The following HECA variants were observed in gnomAD, a reference collection of about 807,000 sequenced individuals.
HECA encodes headcase protein homolog.
Under a neutral mutation model 37.6 loss-of-function variants are expected in HECA, and 13 were observed. The observed-to-expected ratio is 0.35, with a 90% confidence interval of 0.23 to 0.55. HECA has a LOEUF of 0.55. HECA is among the 20% of genes least tolerant of loss of function. The pLI is 0.90. For missense variants in HECA, 527 were observed against 701.9 expected (o/e 0.75, Z 2.82); for synonymous variants, 307 against 291.5 (o/e 1.05, Z -0.54).
At chr6:139,138,945 C>G (rs1157535101) in intron 1 of HECA, among the ~76,000 whole-genome samples, 10 of 152,176 alleles carry the variant, frequency 6.6e-5, no homozygotes, top group Admixed American at 6.5e-4. Context: ...ATCTAGTTAT[C>G]AAAAGGTAGA....
In HECA at chr6:139,177,871, A is replaced by G. The variant is rs1212720575; in HGVS notation, c.*766A>G. The G allele has an allele frequency of 6.6e-6, 1 of 152,228 alleles. No individual in the cohort carries two copies. The highest frequency in any genetic ancestry group is 1.5e-5 in the Non-Finnish European group (1 of 68,038). 9.4% of individuals were successfully genotyped at this position (152,228 alleles called of 1,614,324 possible). On this transcript the variant is annotated 3_prime_UTR_variant, in exon 4 of 4. Coordinates refer to ENST00000367658, the MANE Select transcript of HECA (RefSeq NM_016217.3). This position sits in a 1 kb window ranked among gnomAD's most constrained non-coding sequence, Gnocchi z 4.9. Reference sequence around the variant, plus strand: ...TATAGCTTTTAAGGAGAACCCATGAATAACCTGATTTGGGCAGTGATGATT... The same window carrying G: ...TATAGCTTTTAAGGAGAACCCATGAGTAACCTGATTTGGGCAGTGATGATT...
Position 139,174,392 on chromosome 6 carries a change from C to T in HECA, c.1320C>T (p.Leu440=). 1 of 1,613,198 alleles carries T rather than the reference C, an allele frequency of 6.2e-7. No individual in the cohort carries two copies. The highest frequency in any genetic ancestry group is 8.5e-7 in the Non-Finnish European group (1 of 1,179,544). ...YDVPCHLQGR[L]MHLYAVCVDC... is the part of the protein sequence containing the mutation. ...TGTGTCTTCTGTGCACAGGGAGACT[C>T]ATGCATCTGTATGCCGTGTGCGTGG... Residue 440 remains leucine, a synonymous_variant, in exon 3 of 4, where the codon CTC becomes CTT. Transcript: ENST00000367658.
intron 1 of HECA, among the ~76,000 whole-genome samples, chr6:139,154,163 A>G (rs1774685371): frequency 1.3e-5 from 2 of 152,200 alleles, no homozygotes; most frequent in South Asian, 4.1e-4. Context: ...GTTATACTGT[A>G]TTTAGGGAAT....
chr6:139,171,370 A>G (rs1044912421), intron 2 of HECA, among the ~76,000 whole-genome samples: 1 of 152,212 alleles, frequency 6.6e-6, no homozygotes, highest in African/African-American at 2.4e-5. Flanking sequence ...ATAGACATAC[A>G]TAAATAGATA....
rs561506385 is a variant in HECA, at chr6:139,176,496, C to T, written c.1468-445C>T. Among the ~76,000 whole-genome samples, 3 of 152,222 alleles carry T rather than the reference C, an allele frequency of 2.0e-5. No homozygotes were observed. The East Asian group carries it at 5.8e-4, about 29-fold the overall frequency. On this transcript the variant is annotated intron_variant, in intron 3 of 3. Coordinates refer to ENST00000367658, the MANE Select transcript of HECA (RefSeq NM_016217.3). This position sits in a 1 kb window ranked among gnomAD's most constrained non-coding sequence, Gnocchi z 4.5. ...AACTCCAGAAGCCTCAGACCAGCAC[C>T]GCACTTCCTGGATTGCTAATTTTAC...
At chr6:139,143,530 A>G (rs1381685261) in intron 1 of HECA, among the ~76,000 whole-genome samples, 1 of 152,210 alleles carries the variant, frequency 6.6e-6, no homozygotes, top group African/African-American at 2.4e-5. Context: ...ATAAGCAAAC[A>G]AAAAGCAACA....
intron 1 of HECA, among the ~76,000 whole-genome samples, chr6:139,137,633 T>C (rs1282849081): frequency 6.9e-6 from 1 of 145,638 alleles, no homozygotes; most frequent in Non-Finnish European, 1.5e-5. Context: ...ACCAGCTCCT[T>C]TTTTTTTTTT....
chr6:139,178,553 A>G lies in HECA; in HGVS notation c.*1448A>G, dbSNP rs1400760094. 6.8e-6 allele frequency: 1 copy of G among 147,224 alleles called. No individual in the cohort carries two copies. The highest frequency in any genetic ancestry group is 2.0e-4 in the East Asian group (1 of 5,024). 9.1% of individuals were successfully genotyped at this position (147,224 alleles called of 1,614,324 possible). A position where few individuals can be genotyped will look rare whatever the true frequency, so the allele number is the denominator to read the frequency against. ...TTTTCTTTTCAGAAGTATTTAGGCA[A>G]TATTGCACGTGAGTTTCAGTTCTTT... On this transcript the variant is annotated 3_prime_UTR_variant, in exon 4 of 4. Coordinates refer to ENST00000367658, the MANE Select transcript of HECA (RefSeq NM_016217.3).
At chr6:139,148,595 G>A (rs989937956) in intron 1 of HECA, among the ~76,000 whole-genome samples, 1 of 152,128 alleles carries the variant, frequency 6.6e-6, no homozygotes, top group Non-Finnish European at 1.5e-5. Context: ...GAAACCCCAT[G>A]TCACTACTAA....
intron 1 of HECA, among the ~76,000 whole-genome samples, chr6:139,156,917 C>G (rs1457540430): frequency 6.6e-6 from 1 of 152,188 alleles, no homozygotes; most frequent in Non-Finnish European, 1.5e-5. Flanking sequence ...GGTCCTGATC[C>G]AGACTCCAAG....
chr6:139,138,325 T>G (rs1257214188), intron 1 of HECA, among the ~76,000 whole-genome samples: 1 of 152,172 alleles, frequency 6.6e-6, no homozygotes, highest in African/African-American at 2.4e-5. Flanking sequence ...GTATTTCAAT[T>G]TTTTACTTAA....
At chr6:139,143,947 A>G (rs1208392058) in intron 1 of HECA, among the ~76,000 whole-genome samples, 1 of 152,184 alleles carries the variant, frequency 6.6e-6, no homozygotes, top group African/African-American at 2.4e-5. Context: ...GCAGGAGCAT[A>G]TGTGGCAAAA....
chr6:139,177,048 C>G lies in HECA; in HGVS notation c.1575C>G (p.Asn525Lys). ...SNVQQCPHCG[N>K]LDYHFVKPFS... The stretch of plus-strand genomic sequence containing the variant: ...TCCAGCAGTGTCCACACTGTGGGAA[C>G]CTGGACTACCACTTCGTGAAGCCAT... The change falls in exon 4 of 4, where the codon AAC becomes AAG. Residue 525 changes from asparagine to lysine, a missense_variant. By Grantham distance (94) the Asn-to-Lys change is moderately conservative. Around this residue, in one of 4 missense-constraint regions of HECA, gnomAD observed 106 missense variants for 193.4 expected, o/e 0.55. Coordinates refer to ENST00000367658, the MANE Select transcript of HECA (RefSeq NM_016217.3). The surrounding 1 kb of genome is among the most constrained non-coding windows in gnomAD (Gnocchi z 4.9). The G allele has an allele frequency of 1.2e-6, 1 of 869,078 alleles. No individual in the cohort carries two copies. The highest frequency in any genetic ancestry group is 2.0e-6 in the Non-Finnish European group (1 of 498,468). 53.8% of individuals were successfully genotyped at this position (869,078 alleles called of 1,614,324 possible).
Position 139,177,311 on chromosome 6 carries a change from G to A in HECA, c.*206G>A. The A allele has an allele frequency of 2.4e-6, 1 of 417,008 alleles. No individual in the cohort carries two copies. The highest frequency in any genetic ancestry group is 5.0e-5 in the South Asian group (1 of 20,104). The allele number at this position is 417,008 out of a possible 1,614,324, so 25.8% of individuals were successfully genotyped here. On this transcript the variant is annotated 3_prime_UTR_variant, in exon 4 of 4. Transcript: ENST00000367658. This position sits in a 1 kb window ranked among gnomAD's most constrained non-coding sequence, Gnocchi z 4.9. The stretch of plus-strand genomic sequence containing the variant: ...TGTGGTTTTGACCAGAGCCCAGATG[G>A]GTAATCCTGTGCATTTGGGTTGGGG...
intron 1 of HECA, among the ~76,000 whole-genome samples, chr6:139,137,336 TC>T (rs1236720520): frequency 6.6e-6 from 1 of 152,094 alleles, no homozygotes; most frequent in Non-Finnish European, 1.5e-5. Flanking sequence ...TTACCCTGGC[TC>T]CCTCCTAGTG....
chr6:139,176,950 A>T lies in HECA; in HGVS notation c.1477A>T (p.Asn493Tyr), dbSNP rs1460755288. The change falls in exon 4 of 4, where the codon AAC (asparagine) becomes TAC (tyrosine). Residue 493 changes from asparagine (N) to tyrosine (Y), a missense_variant. Around this residue, in one of 4 missense-constraint regions of HECA, gnomAD observed 106 missense variants for 193.4 expected, o/e 0.55. Coordinates refer to ENST00000367658, the MANE Select transcript of HECA (RefSeq NM_016217.3). The surrounding 1 kb of genome is among the most constrained non-coding windows in gnomAD (Gnocchi z 4.5). The part of the protein sequence containing the change: ...AASPCCQARL[N>Y]CKHCGKPVID... The stretch of plus-strand genomic sequence containing the variant: ...TGTCTGTTTCCCCCAGGCCCGCCTG[A>T]ACTGTAAGCACTGTGGGAAGCCGGT... The T allele has an allele frequency of 1.1e-6, 1 of 871,938 alleles. No homozygotes were observed. Among genetic ancestry groups the T allele is most frequent in the Admixed American group, 1.7e-5 (1 of 59,146 alleles). 54.0% of individuals were successfully genotyped at this position (871,938 alleles called of 1,614,324 possible).
At chr6:139,136,450 T>G (rs1291602619) in intron 1 of HECA, among the ~76,000 whole-genome samples, 2 of 152,080 alleles carry the variant, frequency 1.3e-5, no homozygotes, top group Non-Finnish European at 2.9e-5. Context: ...GCCATGGTTT[T>G]CGTTATAAGG....
intron 1 of HECA, among the ~76,000 whole-genome samples, chr6:139,165,601 T>A (rs1018591973): frequency 5.9e-4 from 90 of 151,780 alleles, no homozygotes; most frequent in Non-Finnish European, 7.4e-4. Context: ...TTTTTTTTTT[T>A]ACTGACTCTA....
At chr6:139,160,706 G>A (rs528240758) in intron 1 of HECA, among the ~76,000 whole-genome samples, 1 of 152,174 alleles carries the variant, frequency 6.6e-6, no homozygotes, top group Non-Finnish European at 1.5e-5. Context: ...GAGCCACTGT[G>A]CCTGGCCATA....
Sources: gnomAD v4.1 joint callset for allele counts (sites outside exome capture counted in the v4.1 genomes callset) on GRCh38, gnomAD v4.1.1 for gene constraint, gnomAD v4.1.1 regional missense constraint, Gnocchi (gnomAD v3.1) non-coding constraint, MANE v1.5 for transcripts, NCBI Gene and HGNC (gene_info 2026-07-23, HGNC 2026-07-21) for gene names.